The following TSHZ3 variants were observed in gnomAD, a reference collection of about 807,000 sequenced individuals.
The protein encoded by TSHZ3 is teashirt zinc finger homeobox 3.
In TSHZ3, 10 loss-of-function variants were observed where a neutral mutation model predicts 64.5. The observed-to-expected ratio is 0.16, with a 90% CI of 0.10 to 0.26. The LOEUF (loss-of-function observed/expected upper bound fraction) is 0.26, where lower values mean the gene tolerates loss of function less well. TSHZ3 is among the 10% of genes least tolerant of loss of function. The probability of loss-of-function intolerance (pLI) is 1.00; values close to 1 mark genes in which losing one functional copy is unlikely to be tolerated. For missense variants in TSHZ3, 1,242 were observed against 1,421.7 expected (o/e 0.87, Z 2.03); for synonymous variants, 608 against 593.1 (o/e 1.03, Z -0.36).
At position 31,215,065 on chromosome 19, in the gene TSHZ3, G is replaced by A. The variant is rs79082826; in HGVS notation, n.687-9987C>T. On this transcript the variant is annotated intron_variant and non_coding_transcript_variant, in intron 4 of 6. Coordinates refer to the TSHZ3 transcript ENST00000651361. ...TATTGATACAAAAATGAAGATATTCGGTTGGTTGGCTATACATCTCCAGTG... is the reference window on the plus strand; with the variant it reads ...TATTGATACAAAAATGAAGATATTCAGTTGGTTGGCTATACATCTCCAGTG... 6.9e-3 allele frequency among the ~76,000 whole-genome samples: 1,044 copies of A among 152,150 alleles called. 16 individuals carry two copies. The highest frequency in any genetic ancestry group is 0.024 in the African/African-American group (995 of 41,506).
At position 31,277,741 on chromosome 19, in the gene TSHZ3, G is replaced by C. The variant is rs765207999; in HGVS notation, c.2052C>G (p.Leu684=). Reference sequence around the variant, plus strand: ...CCTTGCCATTCTCCACCGGCTCAGCGAGGGGGCTCCCATCCTTGCACCCAT... The same window carrying C: ...CCTTGCCATTCTCCACCGGCTCAGCCAGGGGGCTCCCATCCTTGCACCCAT... The part of the protein sequence containing the change: ...PRDGCKDGSP[L]AEPVENGKEL... Residue 684 remains leucine (L), a synonymous_variant, in exon 2 of 2, where the codon CTC becomes CTG. Transcript: ENST00000240587. This position sits in a 1 kb window ranked among gnomAD's most constrained non-coding sequence, Gnocchi z 4.5. The C allele has an allele frequency of 6.6e-7, 1 of 1,522,458 alleles. No individual in the cohort carries two copies. Among genetic ancestry groups the C allele is most frequent in the Non-Finnish European group, 8.8e-7 (1 of 1,137,544 alleles). 94.3% of individuals were successfully genotyped at this position (1,522,458 alleles called of 1,614,324 possible). A position where few individuals can be genotyped will look rare whatever the true frequency, so the allele number is the denominator to read the frequency against.
exon 7 of TSHZ3, among the ~76,000 whole-genome samples, chr19:31,151,201 G>A (rs1974234020): frequency 1.3e-5 from 2 of 152,142 alleles, no homozygotes; most frequent in Admixed American, 1.3e-4. Context: ...TGTAAGTGAC[G>A]GGAAAAGGTT....
At position 31,349,395 on chromosome 19, in the gene TSHZ3, G is replaced by T; in HGVS notation, c.-176C>A. 1 of 451,176 alleles carries T rather than the reference G, an allele frequency of 2.2e-6. No homozygotes were observed. 27.9% of individuals were successfully genotyped at this position (451,176 alleles called of 1,614,324 possible). A position where few individuals can be genotyped will look rare whatever the true frequency, so the allele number is the denominator to read the frequency against. On this transcript the variant is annotated 5_prime_UTR_variant, in exon 1 of 2. Coordinates refer to ENST00000240587, the MANE Select transcript of TSHZ3 (RefSeq NM_020856.4). ...CCCAGGCTCTCCGCGTCCCCCCCGCGCCGCGCTCCGCCGCGAACCCCGAAC... is the reference window on the plus strand; with the variant it reads ...CCCAGGCTCTCCGCGTCCCCCCCGCTCCGCGCTCCGCCGCGAACCCCGAAC...
intron 3 of TSHZ3, among the ~76,000 whole-genome samples, chr19:31,228,328 C>T (rs760725059): frequency 1.5e-4 from 23 of 151,978 alleles, no homozygotes; most frequent in Non-Finnish European, 2.1e-4. Context: ...GAGTTCAAGA[C>T]CAGCTTGGGC....
intron 1 of TSHZ3, among the ~76,000 whole-genome samples, chr19:31,331,399 G>A (rs1038002412): frequency 3.9e-5 from 6 of 152,028 alleles, no homozygotes; most frequent in South Asian, 2.1e-4. Context: ...GATCTGCTGC[G>A]AATTGCTGTT....
At chr19:31,173,475 T>G (rs912859813) in intron 5 of TSHZ3, among the ~76,000 whole-genome samples, 1 of 152,186 alleles carries the variant, frequency 6.6e-6, no homozygotes, top group East Asian at 1.9e-4. Context: ...ATTAAGAATA[T>G]GTCATCTATG....
chr19:31,298,191 G>T (rs1379426072), intron 1 of TSHZ3, among the ~76,000 whole-genome samples: 1 of 152,088 alleles, frequency 6.6e-6, no homozygotes, highest in Non-Finnish European at 1.5e-5. Context: ...CAACCCAGCT[G>T]ATGTGTCACA....
At chr19:31,290,189 G>C (rs1288633506) in intron 1 of TSHZ3, among the ~76,000 whole-genome samples, 1 of 152,124 alleles carries the variant, frequency 6.6e-6, no homozygotes, top group Admixed American at 6.5e-5. Flanking sequence ...CCCTAGACCT[G>C]GCCCAGAGCC....
chr19:31,345,423 A>T (rs1390306160), intron 1 of TSHZ3, among the ~76,000 whole-genome samples: 1 of 152,198 alleles, frequency 6.6e-6, no homozygotes, highest in Non-Finnish European at 1.5e-5. Flanking sequence ...TCATCTGGAC[A>T]CCACCAGGTG....
At chr19:31,343,786 T>G (rs201279157) in intron 1 of TSHZ3, among the ~76,000 whole-genome samples, 28 of 141,446 alleles carry the variant, frequency 2.0e-4, no homozygotes, top group African/African-American at 6.3e-4. Context: ...TTTTTTTTTG[T>G]TTTTTTTTTA....
At chr19:31,159,439 A>T (rs1974344811) in intron 5 of TSHZ3, among the ~76,000 whole-genome samples, 1 of 152,302 alleles carries the variant, frequency 6.6e-6, no homozygotes, top group East Asian at 1.9e-4. Flanking sequence ...ATTTTTGAAC[A>T]CCTTCGGGGA....
chr19:31,337,031 T>TTTA (rs59129062), intron 1 of TSHZ3, among the ~76,000 whole-genome samples: 1 of 140,872 alleles, frequency 7.1e-6, no homozygotes, highest in Admixed American at 7.1e-5. Flanking sequence ...TTTTTTTTTT[T>TTTA]ACAGGCAACC....
At position 31,290,602 on chromosome 19, in the gene TSHZ3, G is replaced by T. The variant is rs193122047; in HGVS notation, c.41-10850C>A. Among the ~76,000 whole-genome samples the T allele has an allele frequency of 3.9e-4, 59 of 152,246 alleles. 1 individual carries two copies. In the Middle Eastern group the frequency reaches 0.014, roughly 35 times the overall value. ...AAGTCTTCTCCATCTATCCACCTGG[G>T]CACCCGGAGTCACCTAGAGACGCTA... On this transcript the variant is annotated intron_variant, in intron 1 of 1. Coordinates refer to ENST00000240587, the MANE Select transcript of TSHZ3 (RefSeq NM_020856.4).
At chr19:31,348,059 C>T (rs1035690674) in intron 1 of TSHZ3, among the ~76,000 whole-genome samples, 2 of 152,222 alleles carry the variant, frequency 1.3e-5, no homozygotes, top group Non-Finnish European at 1.5e-5. Flanking sequence ...TTAACCCTCC[C>T]CTTCAGGGAG....
chr19:31,286,701 G>A (rs1447433752), intron 1 of TSHZ3, among the ~76,000 whole-genome samples: 1 of 152,226 alleles, frequency 6.6e-6, no homozygotes, highest in African/African-American at 2.4e-5. Context: ...GTGGGAGGGA[G>A]CGCCCTGTCC....
intron 5 of TSHZ3, among the ~76,000 whole-genome samples, chr19:31,168,605 G>C (rs1371873945): frequency 2.0e-5 from 3 of 152,342 alleles, no homozygotes; most frequent in Admixed American, 2.0e-4. Context: ...CAAAGGGTCA[G>C]AGGAGACACT....
chr19:31,289,295 G>C (rs1976520487), intron 1 of TSHZ3, among the ~76,000 whole-genome samples: 1 of 152,154 alleles, frequency 6.6e-6, no homozygotes, highest in South Asian at 2.1e-4. Flanking sequence ...GGAGGAGGTG[G>C]GGGGACAAGC....
intron 6 of TSHZ3, among the ~76,000 whole-genome samples, chr19:31,154,322 C>T (rs1482215086): frequency 6.6e-6 from 1 of 152,208 alleles, no homozygotes; most frequent in East Asian, 1.9e-4. Flanking sequence ...TTCTCTGACT[C>T]AACTTCATGT....
At chr19:31,185,319 G>A (rs186684781) in intron 5 of TSHZ3, among the ~76,000 whole-genome samples, 70 of 152,264 alleles carry the variant, frequency 4.6e-4, no homozygotes, top group East Asian at 1.6e-3. Flanking sequence ...CTTCTCCCTC[G>A]CTTCCTCACA....
Sources: allele counts gnomAD v4.1 joint callset (sites outside exome capture counted in the v4.1 genomes callset), GRCh38; gene constraint gnomAD v4.1.1; non-coding constraint Gnocchi (gnomAD v3.1); transcripts MANE v1.5; gene names NCBI Gene and HGNC (gene_info 2026-07-23, HGNC 2026-07-21).